The following HELZ variants were observed in gnomAD, a reference collection of about 807,000 sequenced individuals.
HELZ encodes the protein helicase with zinc finger.
Under a neutral mutation model 218.2 loss-of-function variants are expected in HELZ, and 23 were observed. The observed-to-expected ratio is 0.11, with a 90% confidence interval of 0.08 to 0.15. The LOEUF is 0.15. Ranked by LOEUF, HELZ falls within the 10% of genes least tolerant of loss-of-function variation. The pLI is 1.00. For missense variants in HELZ, 1,813 were observed against 2,353.7 expected (o/e 0.77, Z 4.75); for synonymous variants, 814 against 829.4 (o/e 0.98, Z 0.32).
chr17:67,107,802 C>CTA, intron 30 of HELZ, 117 bp from the exon 31 acceptor site: 2 of 866,296 alleles, frequency 2.3e-6, no homozygotes, highest in Non-Finnish European at 1.8e-6. Flanking sequence ...ATAACTAGAA[C>CTA]TGGCATTAAT....
intron 22 of HELZ, among the ~76,000 whole-genome samples, chr17:67,136,584 G>C (rs969870427): frequency 6.6e-6 from 1 of 152,118 alleles, no homozygotes; most frequent in Non-Finnish European, 1.5e-5. Context: ...AACAGAATGT[G>C]GCATATACAT....
At chr17:67,201,242 G>A (rs1289278783) in intron 6 of HELZ, 57 bp from the exon 7 acceptor site, 2 of 1,114,714 alleles carry the variant, frequency 1.8e-6, no homozygotes, top group East Asian at 4.7e-5. Context: ...CTTTACTATG[G>A]CAACTTAGCT....
At position 67,096,198 on chromosome 17, in the gene HELZ, TA is replaced by T. The variant is rs138428208; in HGVS notation, c.5242-9118del. Among the ~76,000 whole-genome samples, 136 of 139,716 alleles carry T rather than the reference TA, an allele frequency of 9.7e-4. 2 individuals carry two copies. The East Asian group carries it at 0.027, about 27-fold the overall frequency. The allele number at this position is 139,716 out of a possible 152,430, so 91.7% of individuals were successfully genotyped here. ...TCAATAGTGGGTTTAAAACATGGGT[TA>T]AACCATGCTGTAAATGGATATGCTG... On this transcript the variant is annotated intron_variant, in intron 31 of 32. Transcript: ENST00000358691.
chr17:67,245,253 C>T (rs937011237), upstream of HELZ: 4 of 974,842 alleles, frequency 4.1e-6, no homozygotes, highest in Non-Finnish European at 4.9e-6. Context: ...CCCCGACTCC[C>T]GCCTCCCGCC....
chr17:67,117,908 G>T (rs896206631), intron 27 of HELZ, among the ~76,000 whole-genome samples: 1 of 151,994 alleles, frequency 6.6e-6, no homozygotes, highest in Non-Finnish European at 1.5e-5. Context: ...AAAATGGAGA[G>T]ATATATACTC....
At chr17:67,164,310 T>G (rs893084311) in intron 15 of HELZ, among the ~76,000 whole-genome samples, 2 of 152,130 alleles carry the variant, frequency 1.3e-5, no homozygotes, top group Non-Finnish European at 2.9e-5. Flanking sequence ...AATATTGACA[T>G]GGAAGGGTCA....
At chr17:67,244,583 G>C (rs1457150888) in intron 1 of HELZ, 2 of 963,804 alleles carry the variant, frequency 2.1e-6, no homozygotes, top group Non-Finnish European at 2.5e-6. Flanking sequence ...AGGAGGGGGC[G>C]GGGAAAGGGG....
At chr17:67,166,700 G>A (rs1212994698) in intron 14 of HELZ, 92 bp from the exon 15 acceptor site, 3 of 1,054,248 alleles carry the variant, frequency 2.8e-6, no homozygotes, top group East Asian at 2.4e-5. Flanking sequence ...ATCTGTTTGG[G>A]ACAGTAAGTT....
At chr17:67,127,901 A>C (rs1259501661) in intron 24 of HELZ, among the ~76,000 whole-genome samples, 2 of 152,130 alleles carry the variant, frequency 1.3e-5, no homozygotes, top group African/African-American at 4.8e-5. Flanking sequence ...TACTCTTTTA[A>C]TTCTTATTGG....
Position 67,123,093 on chromosome 17 carries a change from T to C in HELZ, c.3507A>G (p.Gly1169=). 1 of 1,613,470 alleles carries C rather than the reference T, an allele frequency of 6.2e-7. No homozygotes were observed. Among genetic ancestry groups the C allele is most frequent in the Non-Finnish European group, 8.5e-7 (1 of 1,179,470 alleles). The change falls in exon 26 of 33, where the codon GGA becomes GGG. Residue 1169 remains glycine, a synonymous_variant. Coordinates refer to ENST00000358691, the MANE Select transcript of HELZ (RefSeq NM_014877.4). ...GAGATTTTCCCAAATTTGGGTGAGG[T>C]CCAAGAGGGGGTGGAGGAGTATATG... ...IRAYTPPPPL[G]PHPNLGKSPS...
intron 3 of HELZ, among the ~76,000 whole-genome samples, chr17:67,231,183 A>G (rs1398392851): frequency 1.3e-5 from 2 of 152,378 alleles, no homozygotes; most frequent in Non-Finnish European, 2.9e-5. Context: ...AAAAAGACTA[A>G]GAAGACAAAA....
intron 3 of HELZ, among the ~76,000 whole-genome samples, chr17:67,220,337 C>A (rs2040711492): frequency 6.6e-6 from 1 of 152,070 alleles, no homozygotes. Flanking sequence ...TCTTGGTCTA[C>A]CAAAACAGTA....
chr17:67,157,350 A>G (rs1567849466), intron 17 of HELZ, among the ~76,000 whole-genome samples: 1 of 152,236 alleles, frequency 6.6e-6, no homozygotes, highest in Admixed American at 6.5e-5. Context: ...TGACGTTTTC[A>G]CAATTACCTT....
intron 5 of HELZ, among the ~76,000 whole-genome samples, chr17:67,212,830 C>G (rs955350315): frequency 6.6e-6 from 1 of 152,136 alleles, no homozygotes; most frequent in Admixed American, 6.5e-5. Flanking sequence ...TTTTGGATTA[C>G]TGACTTAGGA....
At chr17:67,239,537 A>G (rs1443660866) in intron 2 of HELZ, 48 bp from the exon 3 acceptor site, 1 of 152,240 alleles carries the variant, frequency 6.6e-6, no homozygotes, top group African/African-American at 2.4e-5. Flanking sequence ...AGAAAACACC[A>G]TTCACCAAGA....
intron 31 of HELZ, among the ~76,000 whole-genome samples, chr17:67,092,942 T>C (rs1180744476): frequency 1.3e-5 from 2 of 151,834 alleles, no homozygotes; most frequent in Non-Finnish European, 2.9e-5. Context: ...CACTCCCACC[T>C]GGGTGACAGA....
intron 5 of HELZ, among the ~76,000 whole-genome samples, chr17:67,206,200 C>A (rs2040291676): frequency 6.6e-6 from 1 of 152,228 alleles, no homozygotes; most frequent in Non-Finnish European, 1.5e-5. Flanking sequence ...CTCTTCCCAT[C>A]AACTATGTGT....
chr17:67,209,232 C>T (rs552596172), intron 5 of HELZ, among the ~76,000 whole-genome samples: 65 of 151,648 alleles, frequency 4.3e-4, no homozygotes, highest in African/African-American at 1.5e-3. Flanking sequence ...TTTTTCATTT[C>T]TAGAATAATA....
At chr17:67,190,090 C>T (rs958924734) in intron 10 of HELZ, 67 bp downstream of exon 10, 1 of 1,332,756 alleles carries the variant, frequency 7.5e-7, no homozygotes, top group African/African-American at 1.4e-5. Context: ...ATAGAGCACA[C>T]AATAAAGTCA....
Sources: gnomAD v4.1 joint callset for allele counts (sites outside exome capture counted in the v4.1 genomes callset) on GRCh38, gnomAD v4.1.1 for gene constraint, MANE v1.5 for transcripts, NCBI Gene and HGNC (gene_info 2026-07-23, HGNC 2026-07-21) for gene names.